YBX1: variants seen among roughly 807,000 people sequenced by gnomAD.
YBX1 encodes the protein Y-box binding protein 1.
Under a neutral mutation model 41.4 loss-of-function variants are expected in YBX1, and 3 were observed. The observed-to-expected ratio is 0.07, with a 90% CI of 0.03 to 0.19. YBX1 has a LOEUF of 0.19. YBX1 is among the 10% of genes least tolerant of loss of function. YBX1 has a pLI of 1.00. For missense variants in YBX1, 274 were observed against 462.8 expected, an observed-to-expected ratio of 0.59 and a Z score of 3.74; for synonymous variants, 133 against 165.8, an observed-to-expected ratio of 0.80 and a Z score of 1.52.
chr1:42,701,846 C>G (rs191586832), intron 7 of YBX1, 135 bp from the exon 8 acceptor site: 1 of 152,458 alleles, frequency 6.6e-6, no homozygotes, highest in Admixed American at 6.5e-5. Flanking sequence ...GGTTTTTTCC[C>G]GTTTACTATT....
rs77504663 is a variant in YBX1 at position 42,687,171 on chromosome 1, G to A, written c.230+3705G>A. 1.5e-3 allele frequency among the ~76,000 whole-genome samples: 226 copies of A among 152,234 alleles called. 1 individual carries two copies. The highest frequency in any genetic ancestry group is 2.9e-3 in the Non-Finnish European group (194 of 68,018). On this transcript the variant is annotated intron_variant, in intron 2 of 7. Transcript: ENST00000321358. ...GTCAGCTATACAAATAAAAGGACTT[G>A]CTTAATTCCTGATACTGGGAGGTGA...
chr1:42,682,482 ACCG>A lies in YBX1; in HGVS notation c.-74_-72del. Reference sequence around the variant, plus strand: ...ACCCCAGAGAGCCCTGAGCAGCCCCACCGCCGCCGCCGGCCTAGTTACCATCAC... The same window carrying A: ...ACCCCAGAGAGCCCTGAGCAGCCCCACCGCCGCCGGCCTAGTTACCATCAC... On this transcript the variant is annotated 5_prime_UTR_variant, in exon 1 of 8. Coordinates refer to ENST00000321358, the MANE Select transcript of YBX1 (RefSeq NM_004559.5). The A allele has an allele frequency of 1.3e-5, 17 of 1,339,758 alleles. No homozygotes were observed. The highest frequency in any genetic ancestry group is 3.7e-5 in the Admixed American group (1 of 27,032). The allele number at this position is 1,339,758 out of a possible 1,614,324, so 83.0% of individuals were successfully genotyped here.
chr1:42,694,662 C>G (rs1650417260), intron 3 of YBX1, among the ~76,000 whole-genome samples: 1 of 152,132 alleles, frequency 6.6e-6, no homozygotes, highest in Non-Finnish European at 1.5e-5. Flanking sequence ...TTCTAGTACA[C>G]CCAAACCCAA....
Position 42,696,727 on chromosome 1 carries a change from G to T in YBX1, c.440G>T (p.Arg147Leu). 6.2e-6 allele frequency: 10 copies of T among 1,613,684 alleles called. No individual in the cohort carries two copies. The highest frequency in any genetic ancestry group is 8.5e-6 in the Non-Finnish European group (10 of 1,179,776). The change falls in exon 5 of 8, where the codon CGC (arginine) becomes CTC (leucine). Residue 147 changes from arginine (R) to leucine (L), a missense_variant. Arg to Leu is a moderately radical substitution (Grantham distance 102). Transcript: ENST00000321358. The surrounding 1 kb of genome is among the most constrained non-coding windows in gnomAD (Gnocchi z 5.7). ...KYAADRNHYRRYPRRRGPPRN... is the reference protein window; with the variant it reads ...KYAADRNHYRLYPRRRGPPRN... ...GCAGCAGACCGTAACCATTATAGAC[G>T]CTATCCACGTCGTAGGGGTCCTCCA...
rs1017914672 is a variant in YBX1 at position 42,703,316 on chromosome 1, C to T, written c.*1367C>T. ...GTTGATAGTGACTGCTGCCCCGAAA[C>T]ACTCCAGATCATCCTGGCCAGCTAT... On this transcript the variant is annotated 3_prime_UTR_variant, in exon 8 of 8. Coordinates refer to ENST00000321358, the MANE Select transcript of YBX1 (RefSeq NM_004559.5). Among the ~76,000 whole-genome samples, 13 of 152,034 alleles carry T rather than the reference C, an allele frequency of 8.6e-5. No individual in the cohort carries two copies. Among genetic ancestry groups the T allele is most frequent in the Non-Finnish European group, 1.8e-4 (12 of 68,036 alleles).
chr1:42,689,944 A>G (rs887210902), intron 2 of YBX1, among the ~76,000 whole-genome samples: 6 of 152,214 alleles, frequency 3.9e-5, no homozygotes, highest in African/African-American at 1.4e-4. Context: ...AGATTTGAGT[A>G]CCTACCTTAG....
chr1:42,697,320 A>G (rs1650486437), intron 6 of YBX1, 58 bp downstream of exon 6: 2 of 1,542,050 alleles, frequency 1.3e-6, no homozygotes, highest in East Asian at 2.3e-5. Context: ...GTTAGGACTC[A>G]GCAATATCAT....
At position 42,701,109 on chromosome 1, in the gene YBX1, T is replaced by A. The variant is rs879004178; in HGVS notation, c.*31+63T>A. On this transcript the variant is annotated intron_variant, in intron 7 of 7. Transcript: ENST00000321358. Reference sequence around the variant, plus strand: ...GTGAGTGGTGACCATTTCGTTTTATTAATGCAAGAGTAGAAAAACCTCAGT... The same window carrying A: ...GTGAGTGGTGACCATTTCGTTTTATAAATGCAAGAGTAGAAAAACCTCAGT... 8 of 1,255,606 alleles carry A rather than the reference T, an allele frequency of 6.4e-6. No homozygotes were observed. In the South Asian group the frequency reaches 6.9e-5, roughly 11 times the overall value. 77.8% of individuals were successfully genotyped at this position (1,255,606 alleles called of 1,614,324 possible).
chr1:42,700,144 G>A lies in YBX1; in HGVS notation c.741-637G>A, dbSNP rs116453606. ...ATTCATCATGAGTTCCAAAAGATGT[G>A]GGGAAAGAGTTTTAGAATGTACAAA... On this transcript the variant is annotated intron_variant, in intron 6 of 7. Transcript: ENST00000321358. 3.1e-3 allele frequency among the ~76,000 whole-genome samples: 468 copies of A among 152,178 alleles called. 3 individuals carry two copies. Among genetic ancestry groups the A allele is most frequent in the African/African-American group, 0.011 (439 of 41,504 alleles).
chr1:42,698,829 G>C (rs1650523549), intron 6 of YBX1, among the ~76,000 whole-genome samples: 1 of 152,154 alleles, frequency 6.6e-6, no homozygotes, highest in South Asian at 2.1e-4. Flanking sequence ...ACATAAAATT[G>C]CTTGGAAGTT....
chr1:42,684,484 G>A (rs1650142601), intron 2 of YBX1, among the ~76,000 whole-genome samples: 1 of 152,226 alleles, frequency 6.6e-6, no homozygotes. Context: ...GAACAATGTG[G>A]AATGGACAAC....
In YBX1 at chr1:42,696,657, A is replaced by C; in HGVS notation, c.370A>C (p.Asn124His). ...VEGEKGAEAA[N>H]VTGPGGVPVQ... The stretch of plus-strand genomic sequence containing the variant: ...GCTTTTGTAGGGTGCGGAGGCAGCA[A>C]ATGTTACAGGTCCTGGTGGTGTTCC... Residue 124 changes from asparagine to histidine, a missense_variant, in exon 5 of 8, where the codon AAT (asparagine) becomes CAT (histidine). Physicochemically the swap from Asn to His is moderately conservative, Grantham distance 68. This residue lies in a region of YBX1 where 187 missense variants were observed against 306.3 expected (regional missense o/e 0.61). Coordinates refer to ENST00000321358, the MANE Select transcript of YBX1 (RefSeq NM_004559.5). The surrounding 1 kb of genome is among the most constrained non-coding windows in gnomAD (Gnocchi z 5.7). 6.3e-7 allele frequency: 1 copy of C among 1,577,972 alleles called. No individual in the cohort carries two copies. The highest frequency in any genetic ancestry group is 8.6e-7 in the Non-Finnish European group (1 of 1,158,794).
intron 2 of YBX1, among the ~76,000 whole-genome samples, chr1:42,690,909 G>T (rs1408002189): frequency 6.6e-6 from 1 of 152,154 alleles, no homozygotes; most frequent in Non-Finnish European, 1.5e-5. Context: ...TTCACTGCCG[G>T]AAAAGGGTCA....
intron 3 of YBX1, 48 bp downstream of exon 3, chr1:42,693,571 A>G (rs1230804851): frequency 1.2e-6 from 2 of 1,600,732 alleles, no homozygotes; most frequent in South Asian, 2.2e-5. Flanking sequence ...GGATTGTAAG[A>G]AGAAAAGGTT....
intron 2 of YBX1, among the ~76,000 whole-genome samples, chr1:42,687,271 A>C (rs1004578641): frequency 2.6e-5 from 4 of 151,806 alleles, no homozygotes; most frequent in Non-Finnish European, 5.9e-5. Context: ...GGTAAGACTG[A>C]ATATTGCCTT....
At chr1:42,699,795 A>AT (rs1650550091) in intron 6 of YBX1, among the ~76,000 whole-genome samples, 1 of 152,082 alleles carries the variant, frequency 6.6e-6, no homozygotes, top group Admixed American at 6.6e-5. Flanking sequence ...CAGGTCCTAG[A>AT]TTAAGAATGA....
At chr1:42,682,791 G>A (rs2148733551) in intron 1 of YBX1, 60 bp downstream of exon 1, 2 of 1,135,644 alleles carry the variant, frequency 1.8e-6, no homozygotes, top group Admixed American at 9.0e-5. Flanking sequence ...GGAACCGTTA[G>A]CCGGAGCTGG....
rs1273895820 is a variant in YBX1, at chr1:42,683,480, C to G, written c.230+14C>G. ...TTTCATCAACAGGTGAGCTGCCGGGCTCTGAAGCCTCCATCCCACCTTCTT... is the reference window on the plus strand; with the variant it reads ...TTTCATCAACAGGTGAGCTGCCGGGGTCTGAAGCCTCCATCCCACCTTCTT... On this transcript the variant is annotated intron_variant, in intron 2 of 7. Transcript: ENST00000321358. 7.4e-6 allele frequency: 12 copies of G among 1,612,566 alleles called. No individual in the cohort carries two copies. The highest frequency in any genetic ancestry group is 1.0e-5 in the Non-Finnish European group (12 of 1,179,994).
Position 42,683,271 on chromosome 1 carries a change from C to T in YBX1, c.167-132C>T, listed in dbSNP as rs12035470. The T allele has an allele frequency of 3.7e-5, 39 of 1,067,892 alleles. No homozygotes were observed. In the East Asian group the frequency reaches 8.7e-4, roughly 24 times the overall value. The allele number at this position is 1,067,892 out of a possible 1,614,324, so 66.2% of individuals were successfully genotyped here. A position where few individuals can be genotyped will look rare whatever the true frequency, so the allele number is the denominator to read the frequency against. On this transcript the variant is annotated intron_variant, in intron 1 of 7. Coordinates refer to ENST00000321358, the MANE Select transcript of YBX1 (RefSeq NM_004559.5). ...GGCGGCGACTGCGTGGCCCCGCACC[C>T]GGGCGGTGGAGAGAAAGGGCTGTCA... is the stretch of plus-strand genomic sequence containing the variant.
Sources: gnomAD v4.1 joint callset for allele counts (sites outside exome capture counted in the v4.1 genomes callset) on GRCh38, gnomAD v4.1.1 for gene constraint, gnomAD v4.1.1 regional missense constraint, Gnocchi (gnomAD v3.1) non-coding constraint, MANE v1.5 for transcripts, NCBI Gene and HGNC (gene_info 2026-07-23, HGNC 2026-07-21) for gene names.